The following TYW1 variants were observed in gnomAD, a reference collection of about 807,000 sequenced individuals.
TYW1 encodes the protein S-adenosyl-L-methionine-dependent tRNA 4-demethylwyosine synthase TYW1.
TYW1 carries 46 observed loss-of-function variants against 96.2 expected under a neutral mutation model. The ratio of observed to expected loss-of-function variants is 0.48; its 90% CI spans 0.38 to 0.61. TYW1 has a LOEUF of 0.61. TYW1 is among the 20% of genes least tolerant of loss of function. TYW1 has a pLI of 0.00. For missense variants in TYW1, 684 were observed against 909.6 expected (o/e 0.75, Z 3.19); for synonymous variants, 274 against 323.0 (o/e 0.85, Z 1.63).
chr7:67,137,851 T>G (rs1798315249), intron 13 of TYW1, among the ~76,000 whole-genome samples: 1 of 152,216 alleles, frequency 6.6e-6, no homozygotes, highest in Admixed American at 6.5e-5. Context: ...TAGTAAGTGT[T>G]TCTCTAAGGA....
At chr7:67,071,387 GA>G (rs753121317) in intron 10 of TYW1, among the ~76,000 whole-genome samples, 291 of 128,366 alleles carry the variant, frequency 2.3e-3, no homozygotes, top group African/African-American at 3.6e-3. Flanking sequence ...AAAAAAATTG[GA>G]AAAAAAAAAA....
At chr7:67,096,233 C>CA in intron 11 of TYW1, among the ~76,000 whole-genome samples, 1 of 152,106 alleles carries the variant, frequency 6.6e-6, no homozygotes, top group Non-Finnish European at 1.5e-5. Context: ...ACTGAAACTA[C>CA]AAAAAAATTA....
Position 67,009,563 on chromosome 7 carries a change from G to T in TYW1, c.274-20G>T, listed in dbSNP as rs1562963074. 1.2e-5 allele frequency: 19 copies of T among 1,599,562 alleles called. No individual in the cohort carries two copies. The highest frequency in any genetic ancestry group is 1.6e-5 in the Non-Finnish European group (19 of 1,172,850). On this transcript the variant is annotated intron_variant, in intron 3 of 15. Coordinates refer to ENST00000359626, the MANE Select transcript of TYW1 (RefSeq NM_018264.4). ...TGGCTCATTGAAGACTTTATTTGAT[G>T]TTTTTTTTGGTCCTATTAGGGATTC... is the stretch of plus-strand genomic sequence containing the variant.
chr7:67,208,851 C>T (rs1264877926), intron 15 of TYW1, among the ~76,000 whole-genome samples: 2 of 152,144 alleles, frequency 1.3e-5, no homozygotes, highest in Non-Finnish European at 2.9e-5. Flanking sequence ...TCACCCTATT[C>T]ATACCTGGAA....
rs945097164 is a variant in TYW1, at chr7:67,238,621, G to A, written c.*92G>A. The A allele has an allele frequency of 1.2e-5, 19 of 1,526,646 alleles. No individual in the cohort carries two copies. The highest frequency in any genetic ancestry group is 4.3e-5 in the Admixed American group (2 of 46,638). 94.6% of individuals were successfully genotyped at this position (1,526,646 alleles called of 1,614,324 possible). ...CTGTGATTCTCCAAGGACGAATTACGTAAATTATACTTTCATACAAAGGAG... is the reference window on the plus strand; with the variant it reads ...CTGTGATTCTCCAAGGACGAATTACATAAATTATACTTTCATACAAAGGAG... On this transcript the variant is annotated 3_prime_UTR_variant, in exon 16 of 16. Transcript: ENST00000359626.
intron 15 of TYW1, among the ~76,000 whole-genome samples, chr7:67,224,071 G>A (rs1364505935): frequency 3.3e-5 from 5 of 152,086 alleles, no homozygotes; most frequent in Admixed American, 2.0e-4. Flanking sequence ...CACAACACAA[G>A]GACTTTCCTG....
At chr7:67,229,127 C>T (rs912234448) in intron 15 of TYW1, among the ~76,000 whole-genome samples, 3 of 152,328 alleles carry the variant, frequency 2.0e-5, no homozygotes, top group Non-Finnish European at 4.4e-5. Flanking sequence ...CGGCTCCCCT[C>T]GTTTGCCTAA....
At chr7:67,100,783 G>C (rs1323909524) in intron 12 of TYW1, among the ~76,000 whole-genome samples, 1 of 140,956 alleles carries the variant, frequency 7.1e-6, no homozygotes, top group African/African-American at 2.7e-5. Flanking sequence ...AGAATGGCGA[G>C]AACCTGGGAG....
chr7:67,136,454 G>A (rs1386404110), intron 13 of TYW1, among the ~76,000 whole-genome samples: 1 of 152,108 alleles, frequency 6.6e-6, no homozygotes, highest in East Asian at 1.9e-4. Flanking sequence ...CATCTGATCT[G>A]AATAATCTCT....
intron 13 of TYW1, among the ~76,000 whole-genome samples, chr7:67,171,922 A>G (rs1323501303): frequency 6.6e-6 from 1 of 152,092 alleles, no homozygotes; most frequent in East Asian, 1.9e-4. Context: ...TTCATGATTT[A>G]CCCAAAAATT....
chr7:67,126,679 T>C (rs1409248106), intron 13 of TYW1, among the ~76,000 whole-genome samples: 1 of 152,212 alleles, frequency 6.6e-6, no homozygotes, highest in Non-Finnish European at 1.5e-5. Flanking sequence ...TTTTTTTGCA[T>C]GTGGATTTCT....
At chr7:67,173,157 A>T (rs1316918036) in intron 13 of TYW1, among the ~76,000 whole-genome samples, 2 of 152,190 alleles carry the variant, frequency 1.3e-5, no homozygotes, top group South Asian at 2.1e-4. Flanking sequence ...ATTTTCTCTG[A>T]TAGTTTCCAA....
chr7:67,227,614 A>G (rs536588825), intron 15 of TYW1, among the ~76,000 whole-genome samples: 1 of 152,046 alleles, frequency 6.6e-6, no homozygotes, highest in South Asian at 2.1e-4. Flanking sequence ...GCTTTGGGCC[A>G]TGCAGTTATT....
intron 9 of TYW1, among the ~76,000 whole-genome samples, chr7:67,059,008 G>A (rs550652898): frequency 1.9e-4 from 29 of 151,504 alleles, no homozygotes; most frequent in South Asian, 8.4e-4. Flanking sequence ...GAATATGCAA[G>A]CCACAGTAAA....
intron 7 of TYW1, among the ~76,000 whole-genome samples, chr7:67,039,908 G>T (rs1043539268): frequency 2.0e-5 from 3 of 151,472 alleles, no homozygotes; most frequent in African/African-American, 4.9e-5. Context: ...TGATCCACCT[G>T]CCTTGGCCTC....
intron 1 of TYW1, 81 bp downstream of exon 1, chr7:66,997,063 C>T (rs1379392292): frequency 6.3e-7 from 1 of 1,598,280 alleles, no homozygotes; most frequent in South Asian, 1.1e-5. Flanking sequence ...GGCGGAGTGG[C>T]GTCCTCGGTC....
rs563790533 is a variant in TYW1, at chr7:67,141,768, G to A, written c.1698+24150G>A. ...ATAACACATGAGGCCAGGCATGGTG[G>A]CTCACACCTGTAATCCCGGCACTTT... On this transcript the variant is annotated intron_variant, in intron 13 of 15. Coordinates refer to ENST00000359626, the MANE Select transcript of TYW1 (RefSeq NM_018264.4). 1.4e-3 allele frequency among the ~76,000 whole-genome samples: 216 copies of A among 152,342 alleles called. 1 individual carries two copies. The highest frequency in any genetic ancestry group is 4.9e-3 in the African/African-American group (204 of 41,588).
chr7:67,185,613 A>G (rs905582663), intron 14 of TYW1, among the ~76,000 whole-genome samples: 1 of 152,148 alleles, frequency 6.6e-6, no homozygotes, highest in Non-Finnish European at 1.5e-5. Flanking sequence ...AAAAGGGGAC[A>G]TATTTGGGGA....
At chr7:67,022,582 G>A (rs1794312370) in intron 6 of TYW1, among the ~76,000 whole-genome samples, 1 of 152,192 alleles carries the variant, frequency 6.6e-6, no homozygotes, top group South Asian at 2.1e-4. Flanking sequence ...TATATATTTA[G>A]ACAAACTGGT....
Sources: gnomAD v4.1 joint callset for allele counts (sites outside exome capture counted in the v4.1 genomes callset) on GRCh38, gnomAD v4.1.1 for gene constraint, MANE v1.5 for transcripts, NCBI Gene and HGNC (gene_info 2026-07-23, HGNC 2026-07-21) for gene names.